Variants in KTN1 observed in about 807,000 individuals in gnomAD.
KTN1 encodes kinectin 1, also known as kinectin.
Under a neutral mutation model 222.5 loss-of-function variants are expected in KTN1, and 130 were observed. The observed-to-expected ratio is 0.58, with a 90% CI of 0.51 to 0.68. The LOEUF (loss-of-function observed/expected upper bound fraction) is 0.68. KTN1 is among the 30% of genes least tolerant of loss of function. KTN1 has a pLI of 0.00. For missense variants in KTN1, 1,508 were observed against 1,500.4 expected (o/e 1.01, Z -0.08); for synonymous variants, 512 against 496.3 (o/e 1.03, Z -0.42).
chr14:55,583,148 G>A (rs559994055), intron 1 of KTN1, among the ~76,000 whole-genome samples: 1 of 152,272 alleles, frequency 6.6e-6, no homozygotes, highest in African/African-American at 2.4e-5. Flanking sequence ...TGTGAACTAA[G>A]GGGTTTAATT....
At chr14:55,610,399 C>A (rs2037366004) in intron 1 of KTN1, among the ~76,000 whole-genome samples, 1 of 152,054 alleles carries the variant, frequency 6.6e-6, no homozygotes, top group South Asian at 2.1e-4. Flanking sequence ...CAGTTCAAAC[C>A]CGTGTTGTTA....
intron 31 of KTN1, chr14:55,661,272 G>T (rs1388815361): frequency 6.4e-6 from 2 of 310,148 alleles, no homozygotes; most frequent in African/African-American, 4.3e-5. Context: ...TGTTTCTTAG[G>T]GGATGAGATT....
chr14:55,609,063 T>A (rs1045956890), intron 1 of KTN1, among the ~76,000 whole-genome samples: 1 of 151,558 alleles, frequency 6.6e-6, no homozygotes, highest in Admixed American at 6.6e-5. Flanking sequence ...AGGATACATG[T>A]GGAGAACGTG....
Position 55,630,025 on chromosome 14 carries a change from A to G in KTN1, c.1149A>G (p.Leu383=). Residue 383 remains leucine (L), a synonymous_variant, in exon 7 of 44, where the codon TTA becomes TTG. Transcript: ENST00000395314. The stretch of plus-strand genomic sequence containing the variant: ...GGATGAAAGATCGAATTGGAACATT[A>G]GAAAAGGAACATAATGTATTTCAAA... ...ITRMKDRIGT[L]EKEHNVFQNK... 3.1e-6 allele frequency: 5 copies of G among 1,602,438 alleles called. No individual in the cohort carries two copies. The highest frequency in any genetic ancestry group is 4.3e-6 in the Non-Finnish European group (5 of 1,169,314).
At chr14:55,641,599 A>G (rs2041810657) in intron 17 of KTN1, 93 bp from the exon 18 acceptor site, 8 of 812,552 alleles carry the variant, frequency 9.8e-6, no homozygotes, top group Non-Finnish European at 1.7e-5. Flanking sequence ...CTGAAAGCTG[A>G]GATAAAGGTT....
chr14:55,672,013 G>A (rs1031497722), intron 37 of KTN1, 136 bp downstream of exon 37: 1 of 626,474 alleles, frequency 1.6e-6, no homozygotes, highest in Non-Finnish European at 2.9e-6. Context: ...GGTGGCAGCA[G>A]TCTGTGTTTT....
At chr14:55,646,454 T>C (rs1184342944) in intron 18 of KTN1, among the ~76,000 whole-genome samples, 1 of 76,136 alleles carries the variant, frequency 1.3e-5, no homozygotes, top group Non-Finnish European at 2.9e-5. Flanking sequence ...TTCCTTTTCC[T>C]TTTCCTTTTC....
intron 9 of KTN1, among the ~76,000 whole-genome samples, chr14:55,636,246 G>C (rs2041112118): frequency 6.6e-6 from 1 of 152,206 alleles, no homozygotes; most frequent in African/African-American, 2.4e-5. Flanking sequence ...TGTAATGTTG[G>C]AGGATAGGAT....
intron 41 of KTN1, 122 bp from the exon 42 acceptor site, chr14:55,678,230 G>C (rs2141391259): frequency 1.6e-6 from 1 of 618,376 alleles, no homozygotes; most frequent in East Asian, 2.8e-5. Context: ...CATTTTGGAG[G>C]GAAAAACCTG....
intron 32 of KTN1, 198 bp downstream of exon 32, chr14:55,661,810 AT>A (rs776556230): frequency 1.7e-5 from 6 of 362,326 alleles, no homozygotes; most frequent in Non-Finnish European, 2.5e-5. Flanking sequence ...GAAAAGATGA[AT>A]TCTTATTCTT....
At chr14:55,642,201 A>T (rs559515546) in intron 18 of KTN1, among the ~76,000 whole-genome samples, 73 of 152,160 alleles carry the variant, frequency 4.8e-4, no homozygotes, top group Non-Finnish European at 8.1e-4. Context: ...CATGGAGATT[A>T]TATTATATTT....
chr14:55,623,465 CA>C (rs1410656645), intron 5 of KTN1, among the ~76,000 whole-genome samples: 2 of 152,208 alleles, frequency 1.3e-5, no homozygotes, highest in Non-Finnish European at 2.9e-5. Context: ...CCGTAGCCTT[CA>C]ACTCTCGGGC....
At chr14:55,602,847 T>C (rs1464008538) in intron 1 of KTN1, among the ~76,000 whole-genome samples, 2 of 152,186 alleles carry the variant, frequency 1.3e-5, no homozygotes, top group African/African-American at 4.8e-5. Flanking sequence ...CCCAGAGTGC[T>C]AGGATTACAG....
chr14:55,650,779 T>C, intron 24 of KTN1, 142 bp downstream of exon 24: 1 of 551,760 alleles, frequency 1.8e-6, no homozygotes, highest in East Asian at 3.0e-5. Flanking sequence ...ATTTTTTGCC[T>C]GATTTGAGAA....
In KTN1 at chr14:55,614,512, T is replaced by G. The variant is rs76296925; in HGVS notation, c.523+1941T>G. Among the ~76,000 whole-genome samples the G allele has an allele frequency of 2.8e-3, 426 of 152,336 alleles. 3 individuals are homozygous for G. Among genetic ancestry groups the G allele is most frequent in the African/African-American group, 9.8e-3 (406 of 41,576 alleles). On this transcript the variant is annotated intron_variant, in intron 2 of 43. Transcript: ENST00000395314. ...AGGTTGGGGTTGGCAAACTGCAACCTGTGAGCCGCATGTAGCCCACTTCCT... is the reference window on the plus strand; with the variant it reads ...AGGTTGGGGTTGGCAAACTGCAACCGGTGAGCCGCATGTAGCCCACTTCCT...
At position 55,678,578 on chromosome 14, in the gene KTN1, A is replaced by T. The variant is rs1330679641; in HGVS notation, c.3948+134A>T. 21 of 636,538 alleles carry T rather than the reference A, an allele frequency of 3.3e-5. No individual in the cohort carries two copies. In the East Asian group the frequency reaches 5.5e-4, roughly 17 times the overall value. The allele number at this position is 636,538 out of a possible 1,614,324, so 39.4% of individuals were successfully genotyped here. ...CCTGTCCCTAAAATGTAGTGTTTTC[A>T]TTGATGTTTGATCTCATTTTTGCTT... On this transcript the variant is annotated intron_variant, in intron 42 of 43. Transcript: ENST00000395314.
rs571642958 is a variant in KTN1 at position 55,633,794 on chromosome 14, A to G, written c.1328+453A>G. On this transcript the variant is annotated intron_variant, in intron 8 of 43. Transcript: ENST00000395314. ...AGGTGTATTCTTGAGTCCTCCCCTTAAAAGATTATGATTCACTGACTCTGA... is the reference window on the plus strand; with the variant it reads ...AGGTGTATTCTTGAGTCCTCCCCTTGAAAGATTATGATTCACTGACTCTGA... Among the ~76,000 whole-genome samples the G allele has an allele frequency of 7.9e-5, 12 of 152,210 alleles. No homozygotes were observed. In the East Asian group the frequency reaches 1.9e-3, roughly 25 times the overall value.
intron 32 of KTN1, 149 bp downstream of exon 32, chr14:55,661,761 G>T: frequency 4.6e-6 from 2 of 435,470 alleles, no homozygotes; most frequent in Non-Finnish European, 8.2e-6. Context: ...TTTTTCGGGG[G>T]GCGGGGCATT....
chr14:55,619,982 C>T (rs1377081743), intron 5 of KTN1, among the ~76,000 whole-genome samples: 1 of 152,092 alleles, frequency 6.6e-6, no homozygotes, highest in Non-Finnish European at 1.5e-5. Flanking sequence ...GCCTATGAGC[C>T]TGTAAAATCA....
Sources: allele counts gnomAD v4.1 joint callset (sites outside exome capture counted in the v4.1 genomes callset), GRCh38; gene constraint gnomAD v4.1.1; transcripts MANE v1.5; gene names NCBI Gene and HGNC (gene_info 2026-07-23, HGNC 2026-07-21).